The following TBC1D15 variants were observed in gnomAD, a reference collection of about 807,000 sequenced individuals.
TBC1D15 encodes the protein GAP for RAB7.
In TBC1D15, 39 loss-of-function variants were observed where a neutral mutation model predicts 95.4. The observed-to-expected ratio is 0.41, with a 90% CI of 0.32 to 0.53. The LOEUF (loss-of-function observed/expected upper bound fraction) is 0.53. Among genes scored for constraint, TBC1D15 ranks in the 20% least tolerant of loss-of-function variants. TBC1D15 has a pLI of 0.29. For missense variants in TBC1D15, 733 were observed against 794.3 expected, an observed-to-expected ratio of 0.92 and a Z score of 0.93; for synonymous variants, 258 against 261.3, an observed-to-expected ratio of 0.99 and a Z score of 0.12.
At chr12:71,882,196 A>G (rs925739396) in intron 4 of TBC1D15, among the ~76,000 whole-genome samples, 1 of 152,104 alleles carries the variant, frequency 6.6e-6, no homozygotes, top group South Asian at 2.1e-4. Flanking sequence ...AAAATTGACT[A>G]TCAGACTTAT....
At chr12:71,887,182 A>AACTATTTTTACTGGACT (rs1896389611) in intron 5 of TBC1D15, among the ~76,000 whole-genome samples, 1 of 128,326 alleles carries the variant, frequency 7.8e-6, no homozygotes, top group Admixed American at 7.6e-5. Context: ...TCCCAAAGCA[A>AACTATTTTTACTGGACT]ACTATTTTTA....
chr12:71,849,281 G>T, intron 1 of TBC1D15: 1 of 808,056 alleles, frequency 1.2e-6, no homozygotes. Context: ...ACTGTTCTTT[G>T]TTCCACGCTT....
intron 1 of TBC1D15, among the ~76,000 whole-genome samples, chr12:71,867,817 T>C (rs973709413): frequency 3.3e-5 from 5 of 152,240 alleles, no homozygotes; most frequent in African/African-American, 1.2e-4. Flanking sequence ...CCATTTCCTT[T>C]GAGCTTGAAG....
Position 71,917,695 on chromosome 12 carries a change from A to G in TBC1D15, c.1402-3A>G. The G allele has an allele frequency of 1.3e-6, 2 of 1,592,382 alleles. No homozygotes were observed. The highest frequency in any genetic ancestry group is 1.7e-6 in the Non-Finnish European group (2 of 1,162,562). On this transcript the variant is annotated splice_polypyrimidine_tract_variant and splice_region_variant and intron_variant, in intron 12 of 16. Coordinates refer to ENST00000485960, the MANE Select transcript of TBC1D15 (RefSeq NM_001146213.3). ...TACTTGTAACAATTATTTCCTTTTA[A>G]AGCATCAGAATTTTGAAGAACAAAT...
chr12:71,858,563 T>C (rs559115388), intron 1 of TBC1D15, among the ~76,000 whole-genome samples: 20 of 150,154 alleles, frequency 1.3e-4, no homozygotes, highest in South Asian at 4.2e-4. Context: ...TTTTCTTTTT[T>C]TTTTTTTTTT....
intron 1 of TBC1D15, among the ~76,000 whole-genome samples, chr12:71,859,722 C>G (rs1889963999): frequency 6.6e-6 from 1 of 152,064 alleles, no homozygotes; most frequent in South Asian, 2.1e-4. Context: ...ATTCTTCTGC[C>G]TCAGCCTCCC....
chr12:71,853,566 T>A (rs762126376), intron 1 of TBC1D15, among the ~76,000 whole-genome samples: 1 of 152,218 alleles, frequency 6.6e-6, no homozygotes, highest in Non-Finnish European at 1.5e-5. Context: ...AATTGATTAC[T>A]TTTTTTGTTA....
rs111688481 is a variant in TBC1D15 at position 71,892,368 on chromosome 12, A to G, written c.555-854A>G. 6.1e-3 allele frequency among the ~76,000 whole-genome samples: 934 copies of G among 152,182 alleles called. 6 individuals are homozygous for G. Among genetic ancestry groups the G allele is most frequent in the African/African-American group, 0.022 (900 of 41,570 alleles). Reference sequence around the variant, plus strand: ...TGTTATTAAAGATCTTATCTCAAACATTTATAATAAACAGGAGGTGTATAG... The same window carrying G: ...TGTTATTAAAGATCTTATCTCAAACGTTTATAATAAACAGGAGGTGTATAG... On this transcript the variant is annotated intron_variant, in intron 5 of 16. Transcript: ENST00000485960.
At chr12:71,900,222 T>C (rs1229430708) in intron 10 of TBC1D15, among the ~76,000 whole-genome samples, 1 of 152,130 alleles carries the variant, frequency 6.6e-6, no homozygotes, top group Admixed American at 6.5e-5. Flanking sequence ...GGTAGTTGAA[T>C]AGTCTGGACT....
rs3815869 is a variant in TBC1D15, at chr12:71,896,820, A to G, written c.1088+40A>G. On this transcript the variant is annotated intron_variant, in intron 9 of 16. Transcript: ENST00000485960. ...TTCGTACATTTATCAAAGAGATTCAAGTAACCCACTCATACAAATTAGTAT... is the reference window on the plus strand; with the variant it reads ...TTCGTACATTTATCAAAGAGATTCAGGTAACCCACTCATACAAATTAGTAT... 0.077 allele frequency: 117,172 copies of G among 1,517,670 alleles called. 5,069 individuals carry two copies. The highest frequency in any genetic ancestry group is 0.14 in the East Asian group (6,123 of 44,178). 94.0% of individuals were successfully genotyped at this position (1,517,670 alleles called of 1,614,324 possible).
intron 3 of TBC1D15, 107 bp from the exon 4 acceptor site, chr12:71,880,362 A>G (rs1253223757): frequency 2.4e-6 from 2 of 837,072 alleles, no homozygotes; most frequent in African/African-American, 1.8e-5. Context: ...TTTTCCCACC[A>G]GTGATGTCGT....
intron 3 of TBC1D15, among the ~76,000 whole-genome samples, chr12:71,878,848 C>A (rs1364153333): frequency 6.6e-6 from 1 of 151,272 alleles, no homozygotes; most frequent in Non-Finnish European, 1.5e-5. Flanking sequence ...AAAAACTAGT[C>A]AAACAAGAAA....
At chr12:71,842,350 A>G (rs1195758838) in intron 1 of TBC1D15, among the ~76,000 whole-genome samples, 1 of 152,212 alleles carries the variant, frequency 6.6e-6, no homozygotes, top group Non-Finnish European at 1.5e-5. Flanking sequence ...GTGCTTCAGT[A>G]TCCTCATCTG....
intron 1 of TBC1D15, chr12:71,849,163 T>TAA (rs3832834): frequency 2.3e-3 from 410 of 177,070 alleles, no homozygotes; most frequent in East Asian, 3.1e-3. Flanking sequence ...ACTGTGATTA[T>TAA]AAAAAAAAAA....
intron 1 of TBC1D15, chr12:71,854,759 C>T (rs1443926262): frequency 2.2e-6 from 1 of 456,320 alleles, no homozygotes; most frequent in Non-Finnish European, 4.4e-6. Context: ...CAATTGCATT[C>T]CTCTCCCCCC....
intron 4 of TBC1D15, among the ~76,000 whole-genome samples, chr12:71,884,264 T>A (rs1338583570): frequency 6.6e-6 from 1 of 152,172 alleles, no homozygotes; most frequent in African/African-American, 2.4e-5. Context: ...TTGTTTTGTT[T>A]TTTGACTCTT....
chr12:71,918,259 C>G (rs182788952), intron 13 of TBC1D15, among the ~76,000 whole-genome samples, 192 bp from the exon 14 acceptor site: 1 of 152,190 alleles, frequency 6.6e-6, no homozygotes, highest in African/African-American at 2.4e-5. Context: ...AAACTTGATT[C>G]GTAAAATGTA....
chr12:71,907,214 A>T (rs1006515866), intron 11 of TBC1D15, 76 bp downstream of exon 11: 6 of 872,990 alleles, frequency 6.9e-6, no homozygotes, highest in African/African-American at 6.8e-5. Flanking sequence ...ATCCAGTTAG[A>T]CATGGGTAAT....
At chr12:71,891,299 T>C (rs910895359) in intron 5 of TBC1D15, among the ~76,000 whole-genome samples, 6 of 152,206 alleles carry the variant, frequency 3.9e-5, no homozygotes, top group African/African-American at 1.2e-4. Flanking sequence ...TCAGGAGATA[T>C]GCTTCTATAG....
Sources: allele counts gnomAD v4.1 joint callset (sites outside exome capture counted in the v4.1 genomes callset), GRCh38; gene constraint gnomAD v4.1.1; transcripts MANE v1.5; gene names NCBI Gene and HGNC (gene_info 2026-07-23, HGNC 2026-07-21).